The following EEFSEC variants were observed in gnomAD, a reference collection of about 807,000 sequenced individuals.
The protein encoded by EEFSEC is selenocysteine-specific elongation factor.
EEFSEC carries 43 observed loss-of-function variants against 42.1 expected under a neutral mutation model. That is an observed-to-expected ratio of 1.02 (90% confidence interval 0.80 to 1.32). The LOEUF is 1.32. Among genes scored for constraint, EEFSEC ranks in the 40% most tolerant of loss-of-function variants. The probability of loss-of-function intolerance (pLI) is 0.00; values close to 1 mark genes in which losing one functional copy is unlikely to be tolerated. For missense variants in EEFSEC, 745 were observed against 803.6 expected (o/e 0.93, Z 0.88); for synonymous variants, 354 against 339.1 (o/e 1.04, Z -0.48).
Position 128,358,288 on chromosome 3 carries a change from G to T in EEFSEC, c.1515G>T (p.Gly505=). ...KKETNIQLFV[G]LKVHLSTGEL... The stretch of plus-strand genomic sequence containing the variant: ...AAACCAACATCCAGCTCTTCGTGGG[G>T]CTCAAGGTGCACTTGTCCACTGGGG... The change falls in exon 6 of 7, where the codon GGG becomes GGT. Residue 505 remains glycine, a synonymous_variant. Coordinates refer to ENST00000254730, the MANE Select transcript of EEFSEC (RefSeq NM_021937.5). 6.2e-7 allele frequency: 1 copy of T among 1,614,238 alleles called. No individual in the cohort carries two copies. The highest frequency in any genetic ancestry group is 1.1e-5 in the South Asian group (1 of 91,084).
rs538103008 is a variant in EEFSEC, at chr3:128,294,146, TGGTTGGGAGCCATTAG to T, written c.786+29368_786+29383del. 1.4e-4 allele frequency among the ~76,000 whole-genome samples: 21 copies of T among 152,312 alleles called. 1 individual carries two copies. The South Asian group carries it at 3.9e-3, about 29-fold the overall frequency. On this transcript the variant is annotated intron_variant, in intron 4 of 6. Coordinates refer to ENST00000254730, the MANE Select transcript of EEFSEC (RefSeq NM_021937.5). ...TGCTGGTGCTCTTGCAGGGGTATTG[TGGTTGGGAGCCATTAG>T]GGGTCCTCACTGGGGTGCCTTAGAC...
chr3:128,205,764 TTG>T (rs1559867820), intron 1 of EEFSEC, among the ~76,000 whole-genome samples: 1 of 152,178 alleles, frequency 6.6e-6, no homozygotes. Context: ...CTGGCTTGCT[TTG>T]TGTGACTGGG....
chr3:128,195,141 A>T (rs2065571321), intron 1 of EEFSEC, among the ~76,000 whole-genome samples: 1 of 152,054 alleles, frequency 6.6e-6, no homozygotes, highest in Non-Finnish European at 1.5e-5. Flanking sequence ...TGGTAGTTTG[A>T]GATACTTCTT....
intron 1 of EEFSEC, among the ~76,000 whole-genome samples, chr3:128,241,977 A>C (rs1166796725): frequency 5.9e-5 from 9 of 152,236 alleles, no homozygotes; most frequent in Non-Finnish European, 8.8e-5. Context: ...TGTTGATAAA[A>C]TGTATTTACA....
chr3:128,183,657 G>A (rs1019133809), intron 1 of EEFSEC, among the ~76,000 whole-genome samples: 7 of 152,294 alleles, frequency 4.6e-5, no homozygotes, highest in African/African-American at 1.7e-4. Flanking sequence ...TCATGGTATT[G>A]TGAGAACCGA....
chr3:128,296,180 G>T lies in EEFSEC; in HGVS notation c.786+31399G>T, dbSNP rs114457236. Among the ~76,000 whole-genome samples the T allele has an allele frequency of 3.9e-3, 599 of 152,266 alleles. 6 individuals are homozygous for T. Among genetic ancestry groups the T allele is most frequent in the African/African-American group, 0.013 (558 of 41,554 alleles). On this transcript the variant is annotated intron_variant, in intron 4 of 6. Transcript: ENST00000254730. ...TTTCATCATCCTGAGCCCACACTAG[G>T]ATGTCCCGATGTTGGAATACCCTAA...
chr3:128,194,068 A>G (rs1435656472), intron 1 of EEFSEC, among the ~76,000 whole-genome samples: 2 of 152,180 alleles, frequency 1.3e-5, no homozygotes, highest in East Asian at 1.9e-4. Context: ...AGCTGCCACA[A>G]AGGCTGCACT....
Position 128,408,626 on chromosome 3 carries a change from C to T in EEFSEC, c.*367C>T. On this transcript the variant is annotated 3_prime_UTR_variant, in exon 7 of 7. Coordinates refer to ENST00000254730, the MANE Select transcript of EEFSEC (RefSeq NM_021937.5). ...CACTTGATGGCTACAAATAAATGTC[C>T]CGTGGCCCCAGCCCACTCTACTGGT... The T allele has an allele frequency of 1.0e-5, 2 of 193,502 alleles. No individual in the cohort carries two copies. The highest frequency in any genetic ancestry group is 2.3e-5 in the African/African-American group (1 of 43,176). 12.0% of individuals were successfully genotyped at this position (193,502 alleles called of 1,614,324 possible). A position where few individuals can be genotyped will look rare whatever the true frequency, so the allele number is the denominator to read the frequency against.
intron 1 of EEFSEC, among the ~76,000 whole-genome samples, chr3:128,179,785 GC>G (rs1405369925): frequency 6.6e-6 from 1 of 152,098 alleles, no homozygotes; most frequent in African/African-American, 2.4e-5. Flanking sequence ...ATTGAATTTG[GC>G]CCAAAATTTA....
intron 6 of EEFSEC, among the ~76,000 whole-genome samples, chr3:128,358,631 C>T (rs2067488350): frequency 6.6e-6 from 1 of 152,092 alleles, no homozygotes; most frequent in Non-Finnish European, 1.5e-5. Flanking sequence ...GCACCATTTA[C>T]CATCTGAGGG....
chr3:128,155,161 C>T (rs1366735968), intron 1 of EEFSEC, among the ~76,000 whole-genome samples: 1 of 152,114 alleles, frequency 6.6e-6, no homozygotes, highest in Non-Finnish European at 1.5e-5. Flanking sequence ...TGTTACCAGG[C>T]TGGAGTGCAG....
At chr3:128,375,643 C>T (rs1324478084) in intron 6 of EEFSEC, among the ~76,000 whole-genome samples, 1 of 152,192 alleles carries the variant, frequency 6.6e-6, no homozygotes, top group Non-Finnish European at 1.5e-5. Flanking sequence ...TCTAGGAAGG[C>T]TCCCTGTCCT....
intron 2 of EEFSEC, among the ~76,000 whole-genome samples, chr3:128,253,249 C>G (rs1002065161): frequency 1.3e-5 from 2 of 152,236 alleles, no homozygotes; most frequent in Non-Finnish European, 2.9e-5. Context: ...CTCTGTGTCC[C>G]TCTGAGCCTC....
intron 4 of EEFSEC, among the ~76,000 whole-genome samples, chr3:128,322,802 C>T (rs1452019643): frequency 6.6e-6 from 1 of 152,136 alleles, no homozygotes; most frequent in African/African-American, 2.4e-5. Context: ...CAGCCCGAAG[C>T]ACAGGGGTGG....
chr3:128,211,878 G>A (rs2065761111), intron 1 of EEFSEC, among the ~76,000 whole-genome samples: 1 of 41,498 alleles, frequency 2.4e-5, no homozygotes, highest in African/African-American at 1.0e-4. Context: ...TTTTTTTTTT[G>A]AGACAGAGTC....
At chr3:128,320,844 T>C (rs2067000058) in intron 4 of EEFSEC, among the ~76,000 whole-genome samples, 3 of 152,172 alleles carry the variant, frequency 2.0e-5, no homozygotes, top group Non-Finnish European at 2.9e-5. Context: ...GACGGGAGCT[T>C]CCTGGGCTCA....
chr3:128,309,619 G>T (rs1404006667), intron 4 of EEFSEC, among the ~76,000 whole-genome samples: 2 of 152,226 alleles, frequency 1.3e-5, no homozygotes, highest in Admixed American at 6.5e-5. Context: ...TAGCTGTGAA[G>T]ATTCAAATTA....
At chr3:128,375,102 G>A (rs1420236449) in intron 6 of EEFSEC, among the ~76,000 whole-genome samples, 2 of 152,246 alleles carry the variant, frequency 1.3e-5, no homozygotes, top group East Asian at 3.8e-4. Flanking sequence ...AAAAAAAGGA[G>A]TGGTCCCTGC....
At chr3:128,237,161 T>C (rs1029440089) in intron 1 of EEFSEC, among the ~76,000 whole-genome samples, 1 of 152,258 alleles carries the variant, frequency 6.6e-6, no homozygotes, top group African/African-American at 2.4e-5. Flanking sequence ...AACAGTCCTT[T>C]GTATGTAGTA....
Sources: allele counts gnomAD v4.1 joint callset (sites outside exome capture counted in the v4.1 genomes callset), GRCh38; gene constraint gnomAD v4.1.1; transcripts MANE v1.5; gene names NCBI Gene and HGNC (gene_info 2026-07-23, HGNC 2026-07-21).